The following EID2B variants were observed in gnomAD, a reference collection of about 807,000 sequenced individuals.
EID2B encodes the protein EP300 interacting inhibitor of differentiation 2B.
A neutral mutation model predicts 5.9 loss-of-function variants in EID2B; 6 were observed. The ratio of observed to expected loss-of-function variants is 1.01; its 90% CI spans 0.55 to 2.00. The LOEUF is 2.00. Ranked by LOEUF, EID2B falls within the 30% of genes most tolerant of loss-of-function variation. The pLI is 0.00. For synonymous variants in EID2B, 94 were observed against 104.2 expected, an observed-to-expected ratio of 0.90 and a Z score of 0.60; for missense variants, 234 against 228.1, an observed-to-expected ratio of 1.03 and a Z score of -0.17.
At position 39,532,514 on chromosome 19, in the gene EID2B, G is replaced by A; in HGVS notation, c.289C>T (p.Arg97Cys). The A allele has an allele frequency of 1.9e-6, 3 of 1,614,170 alleles. No homozygotes were observed. Among genetic ancestry groups the A allele is most frequent in the Non-Finnish European group, 2.5e-6 (3 of 1,180,046 alleles). The change falls in exon 1 of 1, where the codon CGC becomes TGC. Residue 97 changes from arginine to cysteine, a missense_variant. Coordinates refer to ENST00000326282, the MANE Select transcript of EID2B (RefSeq NM_152361.3). ...ATGGAGCTACCATCCAGATACTCGC[G>A]GAACAACAGCTGCCGGTTAATTTCT... ...FLEINRQLLF[R>C]EYLDGSSMIP... is the part of the protein sequence containing the mutation.
At position 39,532,244 on chromosome 19, in the gene EID2B, G is replaced by C; in HGVS notation, c.*73C>G. 6.5e-7 allele frequency: 1 copy of C among 1,548,014 alleles called. No individual in the cohort carries two copies. The highest frequency in any genetic ancestry group is 8.7e-7 in the Non-Finnish European group (1 of 1,142,894). On this transcript the variant is annotated 3_prime_UTR_variant, in exon 1 of 1. Transcript: ENST00000326282. ...TGACTGAGTTAACTAAACTGGCACA[G>C]CCTGCCTGTTCTTTTGATCCCAAAA...
At position 39,532,499 on chromosome 19, in the gene EID2B, C is replaced by T. The variant is rs773177179; in HGVS notation, c.304G>A (p.Gly102Ser). ...AATCTGACCGGAATCATGGAGCTAC[C>T]ATCCAGATACTCGCGGAACAACAGC... ...RQLLFREYLDGSSMIPVRLLR... is the reference protein window; with the variant it reads ...RQLLFREYLDSSSMIPVRLLR... Residue 102 changes from glycine (G) to serine (S), a missense_variant, in exon 1 of 1, where the codon GGT becomes AGT. By Grantham distance (56) the Gly-to-Ser change is moderately conservative (BLOSUM62 0). Transcript: ENST00000326282. 2 of 1,614,178 alleles carry T rather than the reference C, an allele frequency of 1.2e-6. No individual in the cohort carries two copies. Among genetic ancestry groups the T allele is most frequent in the South Asian group, 1.1e-5 (1 of 91,078 alleles).
At position 39,532,164 on chromosome 19, in the gene EID2B, C is replaced by T; in HGVS notation, c.*153G>A. 1.2e-6 allele frequency: 1 copy of T among 843,230 alleles called. No individual in the cohort carries two copies. The highest frequency in any genetic ancestry group is 1.8e-6 in the Non-Finnish European group (1 of 550,178). The allele number at this position is 843,230 out of a possible 1,614,324, so 52.2% of individuals were successfully genotyped here. Reference sequence around the variant, plus strand: ...TTGTCTGTTTCCATTTCGGAGTGTGCTTCCTCCTTCAATTGCACATTGCCG... The same window carrying T: ...TTGTCTGTTTCCATTTCGGAGTGTGTTTCCTCCTTCAATTGCACATTGCCG... On this transcript the variant is annotated 3_prime_UTR_variant, in exon 1 of 1. Transcript: ENST00000326282.
At position 39,532,518 on chromosome 19, in the gene EID2B, C is replaced by T. The variant is rs931106433; in HGVS notation, c.285G>A (p.Leu95=). The change falls in exon 1 of 1, where the codon TTG becomes TTA. Residue 95 remains leucine (L), a synonymous_variant. Transcript: ENST00000326282. ...AGCTACCATCCAGATACTCGCGGAA[C>T]AACAGCTGCCGGTTAATTTCTAAGA... ...LAFLEINRQL[L]FREYLDGSSM... is the part of the protein sequence containing the mutation. 6.2e-7 allele frequency: 1 copy of T among 1,614,054 alleles called. No homozygotes were observed. Among genetic ancestry groups the T allele is most frequent in the African/African-American group, 1.3e-5 (1 of 74,956 alleles).
In EID2B at chr19:39,532,437, CACAA is replaced by C. The variant is rs751435337; in HGVS notation, c.362_365del (p.Phe121TrpfsTer27). On this transcript the variant is annotated frameshift_variant, in exon 1 of 1. Coordinates refer to ENST00000326282, the MANE Select transcript of EID2B (RefSeq NM_152361.3). LOFTEE classifies it high-confidence loss of function. ...CTGCTTCCCTCGCCTTGCAGCCTTC[CACAA>C]ACAGCCTGCGGCGTTCCTCGAAATC... 1.9e-6 allele frequency: 3 copies of C among 1,614,062 alleles called. No individual in the cohort carries two copies. The highest frequency in any genetic ancestry group is 2.5e-6 in the Non-Finnish European group (3 of 1,180,050).
In EID2B at chr19:39,532,243, A is replaced by G; in HGVS notation, c.*74T>C. ...ATGACTGAGTTAACTAAACTGGCAC[A>G]GCCTGCCTGTTCTTTTGATCCCAAA... On this transcript the variant is annotated 3_prime_UTR_variant, in exon 1 of 1. Coordinates refer to ENST00000326282, the MANE Select transcript of EID2B (RefSeq NM_152361.3). The G allele has an allele frequency of 6.5e-7, 1 of 1,547,104 alleles. No individual in the cohort carries two copies. The highest frequency in any genetic ancestry group is 8.7e-7 in the Non-Finnish European group (1 of 1,142,948).
Position 39,531,669 on chromosome 19 carries a change from G to A in EID2B, c.*648C>T, listed in dbSNP as rs1447963829. ...AAAGTACCTCAGAAAACACAAATAT[G>A]AATCTTACACTAGGATTTGTTGACA... On this transcript the variant is annotated 3_prime_UTR_variant, in exon 1 of 1. Transcript: ENST00000326282. The A allele has an allele frequency of 1.3e-5, 2 of 152,200 alleles. No individual in the cohort carries two copies. The highest frequency in any genetic ancestry group is 4.8e-5 in the African/African-American group (2 of 41,454). 9.4% of individuals were successfully genotyped at this position (152,200 alleles called of 1,614,324 possible).
Position 39,532,400 on chromosome 19 carries a change from C to T in EID2B, c.403G>A (p.Asp135Asn). ...GCAGCGAAGTCCATCTGCGGGGGAT[C>T]CGCGTCAAAGGCTGCTTCCCTCGCC... Reference protein sequence around the residue: ...CKAREAAFDADPPQMDFAAVA... With the variant: ...CKAREAAFDANPPQMDFAAVA... Residue 135 changes from aspartate (D) to asparagine (N), a missense_variant, in exon 1 of 1, where the codon GAT becomes AAT. Asp to Asn is a conservative substitution (Grantham distance 23). Transcript: ENST00000326282. The T allele has an allele frequency of 6.2e-7, 1 of 1,614,186 alleles. No homozygotes were observed. The highest frequency in any genetic ancestry group is 1.1e-5 in the South Asian group (1 of 91,090).
chr19:39,532,260 G>A lies in EID2B; in HGVS notation c.*57C>T, dbSNP rs1341036125. On this transcript the variant is annotated 3_prime_UTR_variant, in exon 1 of 1. Transcript: ENST00000326282. ...ACTGGCACAGCCTGCCTGTTCTTTT[G>A]ATCCCAAAAGGGTCACTTGGCTATT... The A allele has an allele frequency of 2.5e-6, 4 of 1,569,868 alleles. No individual in the cohort carries two copies. Among genetic ancestry groups the A allele is most frequent in the Non-Finnish European group, 3.5e-6 (4 of 1,155,152 alleles).
chr19:39,532,420 C>T lies in EID2B; in HGVS notation c.383G>A (p.Arg128Lys), dbSNP rs1199693027. 4 of 1,614,088 alleles carry T rather than the reference C, an allele frequency of 2.5e-6. No individual in the cohort carries two copies. Among genetic ancestry groups the T allele is most frequent in the South Asian group, 2.2e-5 (2 of 91,094 alleles). ...RRLFVEGCKA[R>K]EAAFDADPPQ... is the part of the protein sequence containing the mutation. The stretch of plus-strand genomic sequence containing the variant: ...GGGATCCGCGTCAAAGGCTGCTTCC[C>T]TCGCCTTGCAGCCTTCCACAAACAG... The change falls in exon 1 of 1, where the codon AGG becomes AAG. Residue 128 changes from arginine to lysine, a missense_variant. Arg to Lys is a conservative substitution (Grantham distance 26). Transcript: ENST00000326282.
Position 39,532,569 on chromosome 19 carries a change from C to T in EID2B, c.234G>A (p.Ala78=), listed in dbSNP as rs781158249. 3.1e-6 allele frequency: 5 copies of T among 1,613,540 alleles called. No individual in the cohort carries two copies. The highest frequency in any genetic ancestry group is 4.2e-6 in the Non-Finnish European group (5 of 1,179,988). Reference sequence around the variant, plus strand: ...AAGCGAGCTGCTGATGGGGGTCTGGCGCGGAGGCCAGGCCCGGGACGCTGC... The same window carrying T: ...AAGCGAGCTGCTGATGGGGGTCTGGTGCGGAGGCCAGGCCCGGGACGCTGC... ...IPSSVPGLAS[A]PDPHQQLAFL... Residue 78 remains alanine (A), a synonymous_variant, in exon 1 of 1, where the codon GCG becomes GCA. Transcript: ENST00000326282.
In EID2B at chr19:39,532,245, C is replaced by G; in HGVS notation, c.*72G>C. ...GACTGAGTTAACTAAACTGGCACAG[C>G]CTGCCTGTTCTTTTGATCCCAAAAG... On this transcript the variant is annotated 3_prime_UTR_variant, in exon 1 of 1. Transcript: ENST00000326282. 1.9e-6 allele frequency: 3 copies of G among 1,550,280 alleles called. No homozygotes were observed. Among genetic ancestry groups the G allele is most frequent in the Non-Finnish European group, 2.6e-6 (3 of 1,144,594 alleles).
In EID2B at chr19:39,532,010, A is replaced by T; in HGVS notation, c.*307T>A. The T allele has an allele frequency of 3.1e-6, 1 of 324,426 alleles. No individual in the cohort carries two copies. The highest frequency in any genetic ancestry group is 4.5e-5 in the South Asian group (1 of 22,404). The allele number at this position is 324,426 out of a possible 1,614,324, so 20.1% of individuals were successfully genotyped here. On this transcript the variant is annotated 3_prime_UTR_variant, in exon 1 of 1. Coordinates refer to ENST00000326282, the MANE Select transcript of EID2B (RefSeq NM_152361.3). ...TGGCTCACGCCTGTAAAGTAATCCC[A>T]GCACTTTGGGAGGCCGAAGCGGGAG... is the stretch of plus-strand genomic sequence containing the variant.
Position 39,532,779 on chromosome 19 carries a change from C to T in EID2B, c.24G>A (p.Leu8=). The change falls in exon 1 of 1, where the codon TTG becomes TTA. Residue 8 remains leucine, a synonymous_variant. Transcript: ENST00000326282. ...TATCTCCGGGGAGCTCGGACATCTC[C>T]AACAGCCCAGTCGGCTCCGCCATAG... is the stretch of plus-strand genomic sequence containing the variant. MAEPTGL[L]EMSELPGDSS... 2 of 1,611,322 alleles carry T rather than the reference C, an allele frequency of 1.2e-6. No individual in the cohort carries two copies. The highest frequency in any genetic ancestry group is 1.7e-6 in the Non-Finnish European group (2 of 1,179,912).
In EID2B at chr19:39,532,164, C is replaced by A. The variant is rs924741705; in HGVS notation, c.*153G>T. On this transcript the variant is annotated 3_prime_UTR_variant, in exon 1 of 1. Coordinates refer to ENST00000326282, the MANE Select transcript of EID2B (RefSeq NM_152361.3). The stretch of plus-strand genomic sequence containing the variant: ...TTGTCTGTTTCCATTTCGGAGTGTG[C>A]TTCCTCCTTCAATTGCACATTGCCG... 8 of 843,112 alleles carry A rather than the reference C, an allele frequency of 9.5e-6. No homozygotes were observed. Among genetic ancestry groups the A allele is most frequent in the Non-Finnish European group, 1.1e-5 (6 of 550,186 alleles). 52.2% of individuals were successfully genotyped at this position (843,112 alleles called of 1,614,324 possible).
At position 39,532,510 on chromosome 19, in the gene EID2B, T is replaced by C. The variant is rs1161762255; in HGVS notation, c.293A>G (p.Glu98Gly). 6.2e-7 allele frequency: 1 copy of C among 1,614,104 alleles called. No homozygotes were observed. Among genetic ancestry groups the C allele is most frequent in the Non-Finnish European group, 8.5e-7 (1 of 1,180,036 alleles). ...LEINRQLLFR[E>G]YLDGSSMIPV... ...AATCATGGAGCTACCATCCAGATAC[T>C]CGCGGAACAACAGCTGCCGGTTAAT... is the stretch of plus-strand genomic sequence containing the variant. The change falls in exon 1 of 1, where the codon GAG (glutamate) becomes GGG (glycine). Residue 98 changes from glutamate to glycine, a missense_variant. Transcript: ENST00000326282.
Position 39,531,208 on chromosome 19 carries a change from C to T in EID2B, c.*1109G>A, listed in dbSNP as rs1971957899. On this transcript the variant is annotated 3_prime_UTR_variant, in exon 1 of 1. Transcript: ENST00000326282. Reference sequence around the variant, plus strand: ...CTTTTTTTTGAGACGGAGTCCCACTCTGTTGACCAGGCTGGAGTGCAGTGG... The same window carrying T: ...CTTTTTTTTGAGACGGAGTCCCACTTTGTTGACCAGGCTGGAGTGCAGTGG... The T allele has an allele frequency of 6.6e-6, 1 of 152,248 alleles. No homozygotes were observed. The highest frequency in any genetic ancestry group is 1.5e-5 in the Non-Finnish European group (1 of 68,080). 9.4% of individuals were successfully genotyped at this position (152,248 alleles called of 1,614,324 possible).
In EID2B at chr19:39,532,479, G is replaced by A. The variant is rs750036240; in HGVS notation, c.324C>T (p.Val108=). Residue 108 remains valine (V), a synonymous_variant, in exon 1 of 1, where the codon GTC becomes GTT. Coordinates refer to ENST00000326282, the MANE Select transcript of EID2B (RefSeq NM_152361.3). ...GTTCCTCGAAATCCCGTAGTAATCTGACCGGAATCATGGAGCTACCATCCA... is the reference window on the plus strand; with the variant it reads ...GTTCCTCGAAATCCCGTAGTAATCTAACCGGAATCATGGAGCTACCATCCA... ...EYLDGSSMIP[V]RLLRDFEERR... 1.2e-5 allele frequency: 20 copies of A among 1,614,028 alleles called. No individual in the cohort carries two copies. Among genetic ancestry groups the A allele is most frequent in the South Asian group, 3.3e-5 (3 of 91,052 alleles).
chr19:39,532,212 C>T lies in EID2B; in HGVS notation c.*105G>A, dbSNP rs1275727101. Reference sequence around the variant, plus strand: ...CCGTATTCCCTTCCAGTTTGCATTCCCCCTAATGACTGAGTTAACTAAACT... The same window carrying T: ...CCGTATTCCCTTCCAGTTTGCATTCTCCCTAATGACTGAGTTAACTAAACT... On this transcript the variant is annotated 3_prime_UTR_variant, in exon 1 of 1. Transcript: ENST00000326282. 2.1e-6 allele frequency: 3 copies of T among 1,402,442 alleles called. No individual in the cohort carries two copies. The highest frequency in any genetic ancestry group is 1.4e-5 in the South Asian group (1 of 70,762). 86.9% of individuals were successfully genotyped at this position (1,402,442 alleles called of 1,614,324 possible).
Sources: gnomAD v4.1 joint callset for allele counts on GRCh38, gnomAD v4.1.1 for gene constraint, MANE v1.5 for transcripts, NCBI Gene and HGNC (gene_info 2026-07-23, HGNC 2026-07-21) for gene names.